TICRR: variants seen among roughly 807,000 people sequenced by gnomAD.
TICRR encodes TOPBP1 interacting checkpoint and replication regulator, also known as treslin.
In TICRR, 132 loss-of-function variants were observed where a neutral mutation model predicts 178.1. The ratio of observed to expected loss-of-function variants is 0.74; its 90% CI spans 0.64 to 0.86. The LOEUF is 0.86. Ranked by LOEUF, TICRR falls within the 40% of genes least tolerant of loss-of-function variation. TICRR has a pLI of 0.00. For synonymous variants in TICRR, 991 were observed against 900.7 expected (o/e 1.10, Z -1.79); for missense variants, 2,587 against 2,334.3 (o/e 1.11, Z -2.23).
chr15:89,616,085 G>A (rs1054790025), intron 15 of TICRR, among the ~76,000 whole-genome samples: 5 of 151,968 alleles, frequency 3.3e-5, no homozygotes, highest in Non-Finnish European at 5.9e-5. Flanking sequence ...GGCTTTCACC[G>A]TGTTGGCCAG....
At chr15:89,586,002 C>G in intron 4 of TICRR, 60 bp downstream of exon 4, 1 of 1,332,762 alleles carries the variant, frequency 7.5e-7, no homozygotes, top group Non-Finnish European at 1.1e-6. Context: ...TTTCAAGCAT[C>G]GGGACTTTTT....
intron 15 of TICRR, among the ~76,000 whole-genome samples, chr15:89,615,207 A>T (rs984788159): frequency 6.6e-6 from 1 of 152,208 alleles, no homozygotes; most frequent in Non-Finnish European, 1.5e-5. Context: ...GTCAGGGAAA[A>T]AGGTGGTTTA....
intron 17 of TICRR, among the ~76,000 whole-genome samples, chr15:89,619,416 G>C (rs552904705): frequency 1.3e-5 from 2 of 152,066 alleles, no homozygotes; most frequent in South Asian, 2.1e-4. Context: ...AGTAGAGACA[G>C]GGTTTCACCT....
chr15:89,576,821 G>GTGTGTATATATATA (rs1216773233), intron 1 of TICRR, among the ~76,000 whole-genome samples: 1 of 92,438 alleles, frequency 1.1e-5, no homozygotes, highest in African/African-American at 3.9e-5. Flanking sequence ...ATGTGTGTGT[G>GTGTGTATATATATA]TATATATATA....
At chr15:89,615,963 C>T (rs1447610444) in intron 15 of TICRR, among the ~76,000 whole-genome samples, 1 of 151,824 alleles carries the variant, frequency 6.6e-6, no homozygotes. Context: ...TGGCACACTG[C>T]AACCTCTGCC....
In TICRR at chr15:89,619,816, TC is replaced by T; in HGVS notation, c.3130del (p.His1044ThrfsTer33). ...SQPKSRSVQR[V>X]HSFQQDKSDQ... is the part of the protein sequence containing the mutation. ...CCGAAGTCTCGAAGTGTGCAAAGAG[TC>T]CACTCTTTCCAGCAAGATAAGTCAG... is the stretch of plus-strand genomic sequence containing the variant. On this transcript the variant is annotated frameshift_variant, in exon 18 of 22. Transcript: ENST00000268138. LOFTEE classifies it high-confidence loss of function. The T allele has an allele frequency of 6.2e-7, 1 of 1,612,294 alleles. No individual in the cohort carries two copies. Among genetic ancestry groups the T allele is most frequent in the South Asian group, 1.1e-5 (1 of 90,600 alleles).
At chr15:89,615,766 G>A (rs1183046623) in intron 15 of TICRR, among the ~76,000 whole-genome samples, 1 of 152,038 alleles carries the variant, frequency 6.6e-6, no homozygotes, top group African/African-American at 2.4e-5. Flanking sequence ...TGGCATATCG[G>A]CATTTTCACA....
rs757591715 is a variant in TICRR, at chr15:89,625,257, C to T, written c.4947C>T (p.Pro1649=). The change falls in exon 20 of 22, where the codon CCC becomes CCT. Residue 1649 remains proline, a synonymous_variant. Coordinates refer to ENST00000268138, the MANE Select transcript of TICRR (RefSeq NM_152259.4). ...GQTYICQACT[P]THGPSSTPSP... Reference sequence around the variant, plus strand: ...CCTACATCTGCCAGGCCTGTACCCCCACCCACGGCCCTTCTAGTACCCCCT... The same window carrying T: ...CCTACATCTGCCAGGCCTGTACCCCTACCCACGGCCCTTCTAGTACCCCCT... The T allele has an allele frequency of 2.5e-6, 4 of 1,613,080 alleles. No homozygotes were observed. The highest frequency in any genetic ancestry group is 1.7e-5 in the Admixed American group (1 of 60,008).
chr15:89,596,483 A>G (rs1201996729), intron 7 of TICRR, among the ~76,000 whole-genome samples: 1 of 152,112 alleles, frequency 6.6e-6, no homozygotes, highest in Non-Finnish European at 1.5e-5. Flanking sequence ...AGTAGCTGGG[A>G]TTACAGGCGC....
intron 7 of TICRR, 41 bp from the exon 8 acceptor site, chr15:89,599,283 G>C (rs554702190): frequency 2.0e-6 from 3 of 1,522,306 alleles, no homozygotes; most frequent in Admixed American, 3.8e-5. Context: ...AAGGACTTGA[G>C]CAAGATATGA....
chr15:89,613,974 GAAACCCCGTCTGTACTAAAAATACAAA>G (rs1415627352), intron 15 of TICRR, among the ~76,000 whole-genome samples: 6 of 151,894 alleles, frequency 4.0e-5, no homozygotes, highest in Non-Finnish European at 2.9e-5. Context: ...CTAACACAGT[GAAACCCCGTCTGTACTAAAAATACAAA>G]AAATTAGCCG....
At chr15:89,617,093 C>G (rs546282630) in intron 16 of TICRR, among the ~76,000 whole-genome samples, 1 of 152,304 alleles carries the variant, frequency 6.6e-6, no homozygotes, top group East Asian at 1.9e-4. Flanking sequence ...CCTCAGGTCC[C>G]AAAGTCCCCA....
rs1011559403 is a variant in TICRR, at chr15:89,584,597, A to C, written c.1176+70A>C. ...CTGGTAAAGTGAAATAAGTGTGTTT[A>C]TAAATGCCCTACACAATATAGTCTT... On this transcript the variant is annotated intron_variant, in intron 3 of 21. Coordinates refer to ENST00000268138, the MANE Select transcript of TICRR (RefSeq NM_152259.4). The C allele has an allele frequency of 1.5e-5, 22 of 1,447,252 alleles. No individual in the cohort carries two copies. In the Admixed American group the frequency reaches 1.7e-4, roughly 11 times the overall value. The allele number at this position is 1,447,252 out of a possible 1,614,324, so 89.7% of individuals were successfully genotyped here.
In TICRR at chr15:89,619,739, G is replaced by C; in HGVS notation, c.3051G>C (p.Lys1017Asn). The C allele has an allele frequency of 6.2e-7, 1 of 1,613,460 alleles. No homozygotes were observed. Among genetic ancestry groups the C allele is most frequent in the Non-Finnish European group, 8.5e-7 (1 of 1,179,904 alleles). The change falls in exon 18 of 22, where the codon AAG becomes AAC. Residue 1017 changes from lysine to asparagine, a missense_variant. By Grantham distance (94) the Lys-to-Asn change is moderately conservative (BLOSUM62 0). Coordinates refer to ENST00000268138, the MANE Select transcript of TICRR (RefSeq NM_152259.4). Reference protein sequence around the residue: ...EISLRRSPRIKQLSFSRTHSA... With the variant: ...EISLRRSPRINQLSFSRTHSA... ...GTCTGAGACGAAGTCCTCGAATCAAGCAGTTGTCATTTAGCAGGACACATT... is the reference window on the plus strand; with the variant it reads ...GTCTGAGACGAAGTCCTCGAATCAACCAGTTGTCATTTAGCAGGACACATT...
intron 17 of TICRR, among the ~76,000 whole-genome samples, chr15:89,619,114 C>CT (rs1408826088): frequency 2.0e-5 from 3 of 152,048 alleles, no homozygotes; most frequent in Non-Finnish European, 2.9e-5. Context: ...CAGAAATACT[C>CT]TAACATTTTA....
At chr15:89,612,615 A>T (rs1963272080) in intron 15 of TICRR, among the ~76,000 whole-genome samples, 1 of 152,168 alleles carries the variant, frequency 6.6e-6, no homozygotes, top group African/African-American at 2.4e-5. Flanking sequence ...AGCACTTCCT[A>T]GGTTATTACA....
chr15:89,625,391 G>A lies in TICRR; in HGVS notation c.5081G>A (p.Cys1694Tyr), dbSNP rs770911258. 1 of 1,613,956 alleles carries A rather than the reference G, an allele frequency of 6.2e-7. No individual in the cohort carries two copies. Among genetic ancestry groups the A allele is most frequent in the Non-Finnish European group, 8.5e-7 (1 of 1,180,014 alleles). The change falls in exon 20 of 22, where the codon TGT (cysteine) becomes TAT (tyrosine). Residue 1694 changes from cysteine (C) to tyrosine (Y), a missense_variant. Coordinates refer to ENST00000268138, the MANE Select transcript of TICRR (RefSeq NM_152259.4). ...DWPRRKRAVG[C>Y]GAGSSSGRGE... The stretch of plus-strand genomic sequence containing the variant: ...CCCAGGAGGAAGAGGGCGGTGGGCT[G>A]TGGCGCCGGCTCCTCTTCCGGGAGG...
At chr15:89,621,647 G>A in intron 19 of TICRR, 97 bp downstream of exon 19, 2 of 1,039,318 alleles carry the variant, frequency 1.9e-6, no homozygotes, top group Non-Finnish European at 2.8e-6. Context: ...GAAAGCAGGT[G>A]ACCTCTAGAT....
chr15:89,582,598 TC>T (rs1358702497), intron 1 of TICRR, 87 bp from the exon 2 acceptor site: 12 of 1,220,308 alleles, frequency 9.8e-6, no homozygotes, highest in African/African-American at 3.0e-5. Context: ...AATATTGGTA[TC>T]AACTTTACTT....
Sources: gnomAD v4.1 joint callset for allele counts (sites outside exome capture counted in the v4.1 genomes callset) on GRCh38, gnomAD v4.1.1 for gene constraint, MANE v1.5 for transcripts, NCBI Gene and HGNC (gene_info 2026-07-23, HGNC 2026-07-21) for gene names.